SCML4: variants seen among roughly 807,000 people sequenced by gnomAD.
The protein encoded by SCML4 is sex comb on midleg-like protein 4.
Under a neutral mutation model 41.1 loss-of-function variants are expected in SCML4, and 34 were observed. The observed-to-expected ratio is 0.83, with a 90% CI of 0.63 to 1.10. The LOEUF is 1.10. Ranked by LOEUF, SCML4 falls within the 50% of genes least tolerant of loss-of-function variation. The pLI, the probability that SCML4 is intolerant of heterozygous loss-of-function variation, is 0.00. For missense variants in SCML4, 522 were observed against 534.1 expected (o/e 0.98, Z 0.22); for synonymous variants, 214 against 220.9 (o/e 0.97, Z 0.28).
At chr6:107,786,284 C>G (rs951201196) in intron 1 of SCML4, among the ~76,000 whole-genome samples, 1 of 152,174 alleles carries the variant, frequency 6.6e-6, no homozygotes, top group African/African-American at 2.4e-5. Flanking sequence ...CTTTGCTCAG[C>G]AAGAGGGAGC....
chr6:107,795,730 T>C (rs906334403), intron 1 of SCML4, among the ~76,000 whole-genome samples: 2 of 152,120 alleles, frequency 1.3e-5, no homozygotes, highest in Admixed American at 1.3e-4. Context: ...TGTTTCACCA[T>C]GTGGGCCAGG....
intron 2 of SCML4, among the ~76,000 whole-genome samples, chr6:107,761,728 TAC>T (rs1453688494): frequency 1.6e-4 from 25 of 152,014 alleles, no homozygotes; most frequent in Non-Finnish European, 2.6e-4. Flanking sequence ...TGAGCCACTA[TAC>T]CCGGCAAAAT....
intron 7 of SCML4, among the ~76,000 whole-genome samples, chr6:107,707,604 C>T (rs1356093424): frequency 6.6e-6 from 1 of 152,094 alleles, no homozygotes; most frequent in Non-Finnish European, 1.5e-5. Context: ...AGGAAACAGG[C>T]ACTCCTGACG....
the SCML4 span, among the ~76,000 whole-genome samples, chr6:107,840,984 A>AT: frequency 1.3e-5 from 2 of 151,722 alleles, no homozygotes; most frequent in Non-Finnish European, 2.9e-5. Flanking sequence ...TAGAGACTGA[A>AT]TTTTTTTTGC....
At chr6:107,751,967 T>G (rs1778734850) in intron 2 of SCML4, among the ~76,000 whole-genome samples, 2 of 152,056 alleles carry the variant, frequency 1.3e-5, no homozygotes, top group Admixed American at 1.3e-4. Flanking sequence ...GAGAAAAGAC[T>G]GAAAGAAGCA....
At chr6:107,740,195 G>A (rs754446478) in intron 5 of SCML4, 22 of 470,082 alleles carry the variant, frequency 4.7e-5, no homozygotes, top group Non-Finnish European at 9.7e-5. Context: ...TTTAGGCTCA[G>A]TTTTAGCTGA....
At chr6:107,794,956 A>G (rs900574278) in intron 1 of SCML4, among the ~76,000 whole-genome samples, 2 of 152,132 alleles carry the variant, frequency 1.3e-5, no homozygotes, top group African/African-American at 4.8e-5. Context: ...GTGTCTCTGT[A>G]TCACCACATG....
intron 4 of SCML4, chr6:107,746,342 GA>G: frequency 4.4e-6 from 1 of 229,116 alleles, no homozygotes. Flanking sequence ...TGTGGGTGGT[GA>G]AAGGTGGTTG....
chr6:107,797,373 C>T (rs1449040770), intron 1 of SCML4, among the ~76,000 whole-genome samples: 1 of 152,010 alleles, frequency 6.6e-6, no homozygotes, highest in Non-Finnish European at 1.5e-5. Flanking sequence ...ATCACTAAGT[C>T]TATTTGGGTT....
intron 1 of SCML4, among the ~76,000 whole-genome samples, chr6:107,811,747 A>G (rs1421880095): frequency 6.6e-6 from 1 of 152,184 alleles, no homozygotes; most frequent in African/African-American, 2.4e-5. Context: ...CTGGGCACAA[A>G]TTCACAGAGT....
chr6:107,748,024 G>T (rs1778288541), intron 3 of SCML4, among the ~76,000 whole-genome samples: 1 of 152,168 alleles, frequency 6.6e-6, no homozygotes, highest in African/African-American at 2.4e-5. Flanking sequence ...TAAATGAAGA[G>T]TGCCCTGGCC....
chr6:107,763,382 T>TG (rs1478988376), intron 2 of SCML4, among the ~76,000 whole-genome samples: 1 of 147,820 alleles, frequency 6.8e-6, no homozygotes, highest in Non-Finnish European at 1.5e-5. Flanking sequence ...ATGTTCTTGT[T>TG]TTTTTTTTTT....
At chr6:107,813,288 G>A (rs1398619715) in intron 1 of SCML4, among the ~76,000 whole-genome samples, 2 of 149,626 alleles carry the variant, frequency 1.3e-5, no homozygotes, top group Non-Finnish European at 3.0e-5. Context: ...GCTTGAGCCT[G>A]GGAGGCAGAG....
intron 3 of SCML4, among the ~76,000 whole-genome samples, chr6:107,748,296 G>T (rs577566866): frequency 6.6e-6 from 1 of 152,304 alleles, no homozygotes; most frequent in East Asian, 1.9e-4. Flanking sequence ...TACCTTAGAG[G>T]CCACTGGTGC....
At chr6:107,755,462 A>T in intron 2 of SCML4, 1 of 255,788 alleles carries the variant, frequency 3.9e-6, no homozygotes, top group Non-Finnish European at 7.6e-6. Context: ...TAGAAAAGGG[A>T]GTCACCCATG....
chr6:107,763,842 C>G (rs1469542138), intron 2 of SCML4, among the ~76,000 whole-genome samples: 1 of 152,252 alleles, frequency 6.6e-6, no homozygotes, highest in Middle Eastern at 3.4e-3. Flanking sequence ...TCCTCCAGAA[C>G]GATGACAAAA....
chr6:107,707,500 C>T (rs751385997), intron 7 of SCML4, among the ~76,000 whole-genome samples: 5 of 152,128 alleles, frequency 3.3e-5, no homozygotes, highest in East Asian at 1.9e-4. Flanking sequence ...ATTTAATCCT[C>T]GAAGTGGTTT....
rs1167016731 is a variant in SCML4, at chr6:107,796,577, T to C, written c.-59-24191A>G. 2.0e-5 allele frequency among the ~76,000 whole-genome samples: 3 copies of C among 152,296 alleles called. No homozygotes were observed. In the East Asian group the frequency reaches 5.8e-4, roughly 29 times the overall value. On this transcript the variant is annotated intron_variant, in intron 1 of 7. Transcript: ENST00000369020. ...CAAATATAAGTACTGAAAACCTCTC[T>C]CCCAGTCTGTGGCTTATCTATTCAC...
intron 1 of SCML4, among the ~76,000 whole-genome samples, chr6:107,809,482 C>T (rs1478356385): frequency 6.6e-6 from 1 of 152,160 alleles, no homozygotes; most frequent in Admixed American, 6.5e-5. Flanking sequence ...TAATGAGAGT[C>T]TGAGGAAGGG....
Sources: allele counts gnomAD v4.1 joint callset (sites outside exome capture counted in the v4.1 genomes callset), GRCh38; gene constraint gnomAD v4.1.1; transcripts MANE v1.5; gene names NCBI Gene and HGNC (gene_info 2026-07-23, HGNC 2026-07-21).